Variants in TENM3 observed in about 807,000 individuals in gnomAD.
The protein encoded by TENM3 is teneurin transmembrane protein 3.
In TENM3, 63 loss-of-function variants were observed where a neutral mutation model predicts 255.1. That is an observed-to-expected ratio of 0.25 (90% CI 0.20 to 0.30). The LOEUF (loss-of-function observed/expected upper bound fraction) is 0.30, where lower values mean the gene tolerates loss of function less well. Among genes scored for constraint, TENM3 ranks in the 10% least tolerant of loss-of-function variants. The pLI, the probability that TENM3 is intolerant of heterozygous loss-of-function variation, is 1.00. For missense variants in TENM3, 2,929 were observed against 3,461.1 expected, an observed-to-expected ratio of 0.85 and a Z score of 3.86; for synonymous variants, 1,306 against 1,322.3, an observed-to-expected ratio of 0.99 and a Z score of 0.27.
rs1766829213 is a variant in TENM3 at position 182,800,167 on chromosome 4, G to T, written c.7916G>T (p.Arg2639Leu). The T allele has an allele frequency of 6.7e-7, 1 of 1,495,212 alleles. No homozygotes were observed. The highest frequency in any genetic ancestry group is 2.5e-5 in the Admixed American group (1 of 40,190). The allele number at this position is 1,495,212 out of a possible 1,614,324, so 92.6% of individuals were successfully genotyped here. A position where few individuals can be genotyped will look rare whatever the true frequency, so the allele number is the denominator to read the frequency against. Reference protein sequence around the residue: ...LARAWAREQQRVRDGEEGARL... With the variant: ...LARAWAREQQLVRDGEEGARL... ...CGGGCCTGGGCGCGCGAGCAGCAGC[G>T]CGTGCGCGACGGCGAGGAGGGCGCG... The change falls in exon 28 of 28, where the codon CGC (arginine) becomes CTC (leucine). Residue 2639 changes from arginine (R) to leucine (L), a missense_variant. Transcript: ENST00000511685.
the TENM3 span, among the ~76,000 whole-genome samples, chr4:181,981,809 A>G: frequency 2.0e-5 from 3 of 152,328 alleles, no homozygotes; most frequent in East Asian, 1.9e-4. Context: ...AAGGTTTAGT[A>G]TTATTATAAT....
At chr4:181,594,646 A>G in the TENM3 span, among the ~76,000 whole-genome samples, 4 of 152,148 alleles carry the variant, frequency 2.6e-5, no homozygotes, top group Non-Finnish European at 4.4e-5. Flanking sequence ...AACGGGTTCC[A>G]TGGTTCTTAA....
chr4:182,621,159 C>T (rs1454041381), intron 4 of TENM3, among the ~76,000 whole-genome samples: 1 of 148,730 alleles, frequency 6.7e-6, no homozygotes. Context: ...CCAGCCTGGA[C>T]AACAGAGCGA....
At chr4:182,247,392 G>T (rs1413848589) in intron 1 of TENM3, among the ~76,000 whole-genome samples, 2 of 152,148 alleles carry the variant, frequency 1.3e-5, no homozygotes, top group Non-Finnish European at 2.9e-5. Context: ...ACAGATGATG[G>T]TTCCATAGAG....
the TENM3 span, among the ~76,000 whole-genome samples, chr4:181,987,821 T>A: frequency 1.3e-5 from 2 of 152,024 alleles, no homozygotes; most frequent in Non-Finnish European, 2.9e-5. Context: ...GTGACAATAT[T>A]CGAGCAAATG....
At chr4:181,893,497 C>A in the TENM3 span, among the ~76,000 whole-genome samples, 6 of 103,952 alleles carry the variant, frequency 5.8e-5, 1 homozygote, top group East Asian at 1.4e-3. Context: ...GCCCACCCCC[C>A]CCCCACCCCC....
chr4:181,852,061 C>T, the TENM3 span, among the ~76,000 whole-genome samples: 1 of 152,298 alleles, frequency 6.6e-6, no homozygotes, highest in South Asian at 2.1e-4. Flanking sequence ...CAACTCAGGG[C>T]ACGTCTTTCC....
chr4:182,440,893 G>T (rs1484345140), intron 3 of TENM3, among the ~76,000 whole-genome samples: 2 of 151,516 alleles, frequency 1.3e-5, no homozygotes, highest in Non-Finnish European at 2.9e-5. Flanking sequence ...GTAAACACGT[G>T]TCACGGGGTT....
At chr4:182,045,202 T>G in the TENM3 span, among the ~76,000 whole-genome samples, 1 of 152,220 alleles carries the variant, frequency 6.6e-6, no homozygotes, top group African/African-American at 2.4e-5. Flanking sequence ...AGCCTGGGTG[T>G]GAGGAGTGTG....
At chr4:181,755,218 G>T in the TENM3 span, among the ~76,000 whole-genome samples, 10 of 152,098 alleles carry the variant, frequency 6.6e-5, no homozygotes. Context: ...TCCTAATCTT[G>T]TATCCAATTG....
At position 182,789,186 on chromosome 4, in the gene TENM3, G is replaced by C; in HGVS notation, c.5398G>C (p.Ala1800Pro). Reference protein sequence around the residue: ...DDHRKFLLRIAYDTSGHPTLW... With the variant: ...DDHRKFLLRIPYDTSGHPTLW... ...CCACCGTAAATTTCTACTGAGGATC[G>C]CCTACGACACGTCTGGGCACCCGAC... The change falls in exon 25 of 28, where the codon GCC becomes CCC. Residue 1800 changes from alanine to proline, a missense_variant. Around this residue, in one of 6 missense-constraint regions of TENM3, gnomAD observed 303 missense variants for 425.2 expected, o/e 0.71. Transcript: ENST00000511685. The surrounding 1 kb of genome is among the most constrained non-coding windows in gnomAD (Gnocchi z 4.4). 1 of 1,612,804 alleles carries C rather than the reference G, an allele frequency of 6.2e-7. No homozygotes were observed.
chr4:181,605,573 AGAGAAAGAAAG>A, the TENM3 span, among the ~76,000 whole-genome samples: 9 of 28,566 alleles, frequency 3.2e-4, no homozygotes, highest in East Asian at 2.0e-3. Context: ...AAAGAAAGAG[AGAGAAAGAAAG>A]GAAAGAAAGA....
intron 1 of TENM3, among the ~76,000 whole-genome samples, chr4:182,286,010 GCA>G (rs1760706910): frequency 6.6e-6 from 1 of 152,128 alleles, no homozygotes; most frequent in South Asian, 2.1e-4. Context: ...CGTCCCCACA[GCA>G]CAGTCTCCTG....
the TENM3 span, among the ~76,000 whole-genome samples, chr4:181,662,774 A>T: frequency 2.0e-5 from 3 of 152,196 alleles, no homozygotes; most frequent in Admixed American, 2.0e-4. Context: ...TTATACATTG[A>T]TTCTGCCCAA....
chr4:182,800,171 G>T lies in TENM3; in HGVS notation c.7920G>T (p.Val2640=), dbSNP rs1166843005. 1 of 1,506,262 alleles carries T rather than the reference G, an allele frequency of 6.6e-7. No individual in the cohort carries two copies. Among genetic ancestry groups the T allele is most frequent in the Non-Finnish European group, 8.8e-7 (1 of 1,136,492 alleles). The allele number at this position is 1,506,262 out of a possible 1,614,324, so 93.3% of individuals were successfully genotyped here. A position where few individuals can be genotyped will look rare whatever the true frequency, so the allele number is the denominator to read the frequency against. ...ARAWAREQQR[V]RDGEEGARLW... ...CCTGGGCGCGCGAGCAGCAGCGCGT[G>T]CGCGACGGCGAGGAGGGCGCGCGCC... Residue 2640 remains valine (V), a synonymous_variant, in exon 28 of 28, where the codon GTG becomes GTT. Coordinates refer to ENST00000511685, the MANE Select transcript of TENM3 (RefSeq NM_001080477.4).
the TENM3 span, among the ~76,000 whole-genome samples, chr4:181,532,135 T>G: frequency 6.6e-6 from 1 of 152,106 alleles, no homozygotes; most frequent in Non-Finnish European, 1.5e-5. Flanking sequence ...TCCCACCGGC[T>G]GGGTTTTATA....
At chr4:181,779,325 C>G in the TENM3 span, among the ~76,000 whole-genome samples, 1 of 151,008 alleles carries the variant, frequency 6.6e-6, no homozygotes, top group Non-Finnish European at 1.5e-5. Flanking sequence ...AAGAATAAAC[C>G]CAGACATCTT....
the TENM3 span, among the ~76,000 whole-genome samples, chr4:182,092,017 A>T: frequency 1.3e-5 from 2 of 152,194 alleles, no homozygotes; most frequent in African/African-American, 4.8e-5. Context: ...GAGTTAGATT[A>T]CTGCATTTTT....
At chr4:182,665,394 C>T (rs1754585102) in intron 6 of TENM3, among the ~76,000 whole-genome samples, 1 of 152,172 alleles carries the variant, frequency 6.6e-6, no homozygotes. Context: ...CCTAGTCCCC[C>T]AAGAGCTCTG....
Sources: gnomAD v4.1 joint callset for allele counts (sites outside exome capture counted in the v4.1 genomes callset) on GRCh38, gnomAD v4.1.1 for gene constraint, gnomAD v4.1.1 regional missense constraint, Gnocchi (gnomAD v3.1) non-coding constraint, MANE v1.5 for transcripts, NCBI Gene and HGNC (gene_info 2026-07-23, HGNC 2026-07-21) for gene names.